The following NKAIN3 variants were observed in gnomAD, a reference collection of about 807,000 sequenced individuals.
The protein encoded by NKAIN3 is sodium/potassium-transporting ATPase subunit beta-1-interacting protein 3.
Under a neutral mutation model 30.2 loss-of-function variants are expected in NKAIN3, and 25 were observed. That is an observed-to-expected ratio of 0.83 (90% CI 0.60 to 1.16). The LOEUF is 1.16. Among genes scored for constraint, NKAIN3 ranks in the 50% most tolerant of loss-of-function variants. The probability of loss-of-function intolerance (pLI) is 0.00; values close to 1 mark genes in which losing one functional copy is unlikely to be tolerated. For missense variants in NKAIN3, 225 were observed against 254.1 expected (o/e 0.89, Z 0.78); for synonymous variants, 91 against 89.6 (o/e 1.02, Z -0.09).
chr8:62,934,500 T>C (rs917678869), intron 5 of NKAIN3, among the ~76,000 whole-genome samples: 2 of 152,080 alleles, frequency 1.3e-5, no homozygotes, highest in Non-Finnish European at 2.9e-5. Flanking sequence ...GCTGGTGTGT[T>C]ACAGACATCT....
At chr8:62,833,887 G>A (rs944113862) in intron 4 of NKAIN3, among the ~76,000 whole-genome samples, 3 of 151,918 alleles carry the variant, frequency 2.0e-5, no homozygotes, top group African/African-American at 7.2e-5. Context: ...GAAAACTACA[G>A]GTCAATATTA....
chr8:62,731,691 C>T (rs1051227975), intron 3 of NKAIN3, among the ~76,000 whole-genome samples: 1 of 152,110 alleles, frequency 6.6e-6, no homozygotes, highest in African/African-American at 2.4e-5. Context: ...CCCGAAACCG[C>T]AAAAGCCAGT....
intron 3 of NKAIN3, among the ~76,000 whole-genome samples, chr8:62,622,680 G>C (rs896559049): frequency 1.3e-5 from 2 of 151,766 alleles, no homozygotes; most frequent in East Asian, 1.9e-4. Context: ...CTAGTCTTTT[G>C]TCAGAGATAT....
chr8:62,546,686 C>T (rs13438922), intron 1 of NKAIN3, among the ~76,000 whole-genome samples: 5,989 of 152,212 alleles, frequency 0.039, 354 homozygotes, highest in African/African-American at 0.13. Flanking sequence ...CTATTTCAAA[C>T]CAGAAGTTTC....
At chr8:62,740,030 T>G (rs1815814880) in intron 3 of NKAIN3, among the ~76,000 whole-genome samples, 1 of 152,178 alleles carries the variant, frequency 6.6e-6, no homozygotes, top group Admixed American at 6.5e-5. Context: ...ATATAATTTT[T>G]GATATATTTG....
At chr8:62,443,350 T>G (rs1266798394) in intron 1 of NKAIN3, among the ~76,000 whole-genome samples, 1 of 152,088 alleles carries the variant, frequency 6.6e-6, no homozygotes, top group Non-Finnish European at 1.5e-5. Context: ...AATTTACTTG[T>G]TGTCCTACTT....
chr8:62,739,079 A>C (rs1000736635), intron 3 of NKAIN3, among the ~76,000 whole-genome samples: 2 of 152,162 alleles, frequency 1.3e-5, no homozygotes, highest in African/African-American at 4.8e-5. Context: ...ACACATGGAC[A>C]CAGGGAGGGA....
In NKAIN3 at chr8:62,400,170, T is replaced by C. The variant is rs576542335; in HGVS notation, c.54+151043T>C. On this transcript the variant is annotated intron_variant, in intron 1 of 6. Transcript: ENST00000623646. ...TGGTAGATGCTATATTTTCTTTTTT[T>C]TTTTTTTTTTTTTGAGACAGAGTTT... 4.3e-3 allele frequency among the ~76,000 whole-genome samples: 634 copies of C among 147,286 alleles called. 8 individuals carry two copies. Among genetic ancestry groups the C allele is most frequent in the Non-Finnish European group, 5.2e-3 (349 of 66,542 alleles).
At chr8:62,671,547 T>C (rs958110448) in intron 3 of NKAIN3, among the ~76,000 whole-genome samples, 2 of 152,194 alleles carry the variant, frequency 1.3e-5, no homozygotes, top group Admixed American at 1.3e-4. Context: ...TTCCTAGATT[T>C]TTATTTTTAA....
intron 1 of NKAIN3, among the ~76,000 whole-genome samples, chr8:62,379,213 C>T (rs770727991): frequency 6.6e-6 from 1 of 152,192 alleles, no homozygotes; most frequent in Non-Finnish European, 1.5e-5. Flanking sequence ...GTGTATTTAT[C>T]CAATACCTGT....
intron 1 of NKAIN3, among the ~76,000 whole-genome samples, chr8:62,379,013 A>G (rs966218832): frequency 1.5e-4 from 23 of 152,150 alleles, no homozygotes; most frequent in African/African-American, 5.3e-4. Context: ...GTACCACACA[A>G]AGCCACAGGG....
intron 1 of NKAIN3, among the ~76,000 whole-genome samples, chr8:62,443,186 C>A (rs1805382650): frequency 6.6e-6 from 1 of 151,762 alleles, no homozygotes. Context: ...CACAATTGTT[C>A]ATGAACAATT....
intron 5 of NKAIN3, among the ~76,000 whole-genome samples, chr8:62,926,352 C>T (rs1417421710): frequency 2.0e-5 from 3 of 152,314 alleles, no homozygotes; most frequent in East Asian, 3.9e-4. Flanking sequence ...TCAACGGTCT[C>T]ACAAAGCTGG....
chr8:62,679,403 G>T (rs1409240749), intron 3 of NKAIN3, among the ~76,000 whole-genome samples: 1 of 152,202 alleles, frequency 6.6e-6, no homozygotes, highest in Admixed American at 6.5e-5. Flanking sequence ...AGCACAGTAA[G>T]TAGATGGATC....
chr8:62,393,634 A>G (rs1173096479), intron 1 of NKAIN3, among the ~76,000 whole-genome samples: 2 of 152,114 alleles, frequency 1.3e-5, no homozygotes, highest in East Asian at 1.9e-4. Flanking sequence ...ATTCTTATAT[A>G]GAGACTGCTA....
At chr8:62,721,465 A>G (rs1293305932) in intron 3 of NKAIN3, among the ~76,000 whole-genome samples, 1 of 152,182 alleles carries the variant, frequency 6.6e-6, no homozygotes, top group Non-Finnish European at 1.5e-5. Flanking sequence ...TCCTAGGCAA[A>G]CTGAGATGCT....
chr8:62,424,948 T>A (rs750073839), intron 1 of NKAIN3, among the ~76,000 whole-genome samples: 10 of 151,866 alleles, frequency 6.6e-5, no homozygotes, highest in Non-Finnish European at 1.2e-4. Flanking sequence ...TGAATTATTA[T>A]TCAACCTTAA....
chr8:62,955,094 G>C (rs1379209589), intron 6 of NKAIN3, among the ~76,000 whole-genome samples: 1 of 152,178 alleles, frequency 6.6e-6, no homozygotes, highest in Non-Finnish European at 1.5e-5. Flanking sequence ...CATATGTGAG[G>C]ATTGAAGATC....
intron 1 of NKAIN3, among the ~76,000 whole-genome samples, chr8:62,340,625 G>T (rs1216276476): frequency 2.0e-5 from 3 of 151,998 alleles, no homozygotes; most frequent in Admixed American, 6.6e-5. Context: ...CCAAAAAGCA[G>T]GTTTGGATGT....
Sources: gnomAD v4.1 joint callset for allele counts (sites outside exome capture counted in the v4.1 genomes callset) on GRCh38, gnomAD v4.1.1 for gene constraint, MANE v1.5 for transcripts, NCBI Gene and HGNC (gene_info 2026-07-23, HGNC 2026-07-21) for gene names.